Variants in PPM1L observed in about 807,000 individuals in gnomAD.
PPM1L encodes protein phosphatase, Mg2+/Mn2+ dependent 1L.
Under a neutral mutation model 31.4 loss-of-function variants are expected in PPM1L, and 13 were observed. The observed-to-expected ratio is 0.41, with a 90% CI of 0.27 to 0.66. PPM1L has a LOEUF of 0.66. PPM1L is among the 30% of genes least tolerant of loss of function. The probability of loss-of-function intolerance (pLI) is 0.29; values close to 1 mark genes in which losing one functional copy is unlikely to be tolerated. For synonymous variants in PPM1L, 184 were observed against 175.4 expected (o/e 1.05, Z -0.39); for missense variants, 326 against 453.7 (o/e 0.72, Z 2.56).
At chr3:160,896,594 A>G (rs1713343682) in intron 1 of PPM1L, among the ~76,000 whole-genome samples, 1 of 152,242 alleles carries the variant, frequency 6.6e-6, no homozygotes. Context: ...CCCCTTTTAA[A>G]AAGTAAATGC....
At chr3:160,955,654 C>CTTT (rs34686234) in intron 1 of PPM1L, among the ~76,000 whole-genome samples, 5 of 134,544 alleles carry the variant, frequency 3.7e-5, no homozygotes, top group Admixed American at 7.6e-5. Flanking sequence ...AACAAGTTTT[C>CTTT]TTTTTTTTTT....
intron 1 of PPM1L, among the ~76,000 whole-genome samples, chr3:160,923,346 T>C (rs2108073476): frequency 6.6e-6 from 1 of 152,320 alleles, no homozygotes; most frequent in South Asian, 2.1e-4. Context: ...CATTTGACGG[T>C]ACTTTCTGAA....
chr3:160,831,962 T>C (rs1239471802), intron 1 of PPM1L, among the ~76,000 whole-genome samples: 2 of 152,204 alleles, frequency 1.3e-5, no homozygotes, highest in African/African-American at 2.4e-5. Context: ...ATGAAGTTAA[T>C]GATAGTCACT....
chr3:161,046,266 G>A (rs1400111960), intron 2 of PPM1L, among the ~76,000 whole-genome samples: 2 of 151,796 alleles, frequency 1.3e-5, no homozygotes, highest in African/African-American at 4.8e-5. Context: ...TATCACCACC[G>A]ATCCCACAGA....
intron 1 of PPM1L, among the ~76,000 whole-genome samples, chr3:160,942,982 T>C (rs1002748225): frequency 1.3e-5 from 2 of 152,032 alleles, no homozygotes; most frequent in Admixed American, 6.6e-5. Flanking sequence ...ACCTGGAACA[T>C]TGTAATGAAG....
At chr3:160,786,645 T>A (rs376731570) in intron 1 of PPM1L, among the ~76,000 whole-genome samples, 1 of 151,692 alleles carries the variant, frequency 6.6e-6, no homozygotes, top group African/African-American at 2.4e-5. Flanking sequence ...GTTTGTTACA[T>A]GGGTAAATTG....
At chr3:161,056,319 C>G (rs1230745350) in intron 2 of PPM1L, among the ~76,000 whole-genome samples, 1 of 152,142 alleles carries the variant, frequency 6.6e-6, no homozygotes, top group Non-Finnish European at 1.5e-5. Context: ...CTGCTGTCAT[C>G]ATTGTCACCA....
At chr3:160,872,558 G>A (rs1263163400) in intron 1 of PPM1L, among the ~76,000 whole-genome samples, 1 of 152,254 alleles carries the variant, frequency 6.6e-6, no homozygotes, top group Admixed American at 6.5e-5. Context: ...AATTTTGATT[G>A]CATTTTAATT....
At chr3:161,041,476 G>A (rs1301432033) in intron 2 of PPM1L, among the ~76,000 whole-genome samples, 3 of 152,124 alleles carry the variant, frequency 2.0e-5, no homozygotes, top group African/African-American at 7.2e-5. Context: ...TTTTATTGAT[G>A]ATGTTTTCTT....
intron 1 of PPM1L, among the ~76,000 whole-genome samples, chr3:160,858,854 T>C (rs897516235): frequency 2.0e-5 from 3 of 152,244 alleles, no homozygotes; most frequent in South Asian, 2.1e-4. Context: ...GACACTTGTT[T>C]TTTCTGCTCA....
At chr3:161,003,663 G>T (rs1399278702) in intron 2 of PPM1L, among the ~76,000 whole-genome samples, 2 of 152,180 alleles carry the variant, frequency 1.3e-5, no homozygotes, top group South Asian at 4.2e-4. Context: ...TGTATAAGAA[G>T]GCTTGTGATT....
intron 2 of PPM1L, among the ~76,000 whole-genome samples, chr3:160,969,822 G>C (rs1197408393): frequency 6.6e-6 from 1 of 152,132 alleles, no homozygotes; most frequent in Non-Finnish European, 1.5e-5. Flanking sequence ...CTTATTTTCT[G>C]TAGAAAGATT....
chr3:160,949,076 G>C (rs1055369613), intron 1 of PPM1L, among the ~76,000 whole-genome samples: 1 of 152,106 alleles, frequency 6.6e-6, no homozygotes, highest in Non-Finnish European at 1.5e-5. Context: ...TTTAAAGAAG[G>C]CAATCCCCTC....
intron 1 of PPM1L, among the ~76,000 whole-genome samples, chr3:160,786,509 C>T (rs1344011689): frequency 9.3e-5 from 14 of 151,302 alleles, no homozygotes; most frequent in Admixed American, 4.0e-4. Flanking sequence ...TGAGCCACTG[C>T]GCCTGGCCTA....
intron 2 of PPM1L, among the ~76,000 whole-genome samples, chr3:161,025,881 T>C (rs925909470): frequency 4.6e-5 from 7 of 152,238 alleles, no homozygotes; most frequent in African/African-American, 1.7e-4. Flanking sequence ...TAGTTCCATG[T>C]ATTTTCTTAT....
At chr3:161,062,145 GAAA>G (rs1284006820) in intron 2 of PPM1L, among the ~76,000 whole-genome samples, 1 of 147,152 alleles carries the variant, frequency 6.8e-6, no homozygotes, top group Non-Finnish European at 1.5e-5. Flanking sequence ...AGTGGGGGGG[GAAA>G]AAAAAAAGCC....
chr3:160,808,677 C>T (rs887653043), intron 1 of PPM1L, among the ~76,000 whole-genome samples: 1 of 152,178 alleles, frequency 6.6e-6, no homozygotes, highest in Non-Finnish European at 1.5e-5. Flanking sequence ...CACCTGAGGA[C>T]ACTCAGCATG....
At chr3:160,846,723 CAT>C (rs1714089313) in intron 1 of PPM1L, among the ~76,000 whole-genome samples, 2 of 152,040 alleles carry the variant, frequency 1.3e-5, no homozygotes, top group African/African-American at 2.4e-5. Flanking sequence ...TTTTAATTGA[CAT>C]ATAATTTTAT....
intron 1 of PPM1L, among the ~76,000 whole-genome samples, chr3:160,833,942 AT>A (rs1193112134): frequency 1.3e-5 from 2 of 151,118 alleles, no homozygotes; most frequent in Non-Finnish European, 2.9e-5. Flanking sequence ...TCTTGAGGTA[AT>A]TTTTGTATAA....
Sources: allele counts gnomAD v4.1 joint callset (sites outside exome capture counted in the v4.1 genomes callset), GRCh38; gene constraint gnomAD v4.1.1; transcripts MANE v1.5; gene names NCBI Gene and HGNC (gene_info 2026-07-23, HGNC 2026-07-21).